Variants in TMCO6 observed in about 807,000 individuals in gnomAD.
TMCO6 encodes transmembrane and coiled-coil domains 6, also known as transmembrane and coiled-coil domain-containing protein 6.
A neutral mutation model predicts 61.8 loss-of-function variants in TMCO6; 47 were observed. The ratio of observed to expected loss-of-function variants is 0.76; its 90% confidence interval spans 0.60 to 0.97. The LOEUF is 0.97. Ranked by LOEUF, TMCO6 falls within the 50% of genes least tolerant of loss-of-function variation. The pLI, the probability that TMCO6 is intolerant of heterozygous loss-of-function variation, is 0.00. For synonymous variants in TMCO6, 261 were observed against 254.2 expected (o/e 1.03, Z -0.25); for missense variants, 557 against 601.6 (o/e 0.93, Z 0.78).
the TMCO6 span, among the ~76,000 whole-genome samples, chr5:140,621,057 A>AC: frequency 6.6e-6 from 1 of 152,088 alleles, no homozygotes; most frequent in African/African-American, 2.4e-5. Context: ...AAATAGAATC[A>AC]CCATATGATC....
chr5:140,601,149 G>T, the TMCO6 span, among the ~76,000 whole-genome samples: 1 of 152,044 alleles, frequency 6.6e-6, no homozygotes, highest in Non-Finnish European at 1.5e-5. Flanking sequence ...ATACACTTTT[G>T]TTCTAATTGT....
the TMCO6 span, among the ~76,000 whole-genome samples, chr5:140,606,650 G>A: frequency 2.0e-5 from 3 of 152,260 alleles, no homozygotes; most frequent in African/African-American, 7.2e-5. Context: ...TGCCCAGCTG[G>A]GTGTGGTGGC....
At chr5:140,634,367 A>G in the TMCO6 span, among the ~76,000 whole-genome samples, 1 of 152,174 alleles carries the variant, frequency 6.6e-6, no homozygotes, top group Non-Finnish European at 1.5e-5. Context: ...AAAAAACAGC[A>G]AACAAAACAA....
the TMCO6 span, among the ~76,000 whole-genome samples, chr5:140,600,605 CA>C: frequency 1.3e-5 from 2 of 151,680 alleles, no homozygotes; most frequent in African/African-American, 4.8e-5. Flanking sequence ...AGCAGGGTTA[CA>C]GGCACCCGCC....
the TMCO6 span, among the ~76,000 whole-genome samples, chr5:140,603,315 A>AT: frequency 2.6e-5 from 4 of 151,528 alleles, no homozygotes; most frequent in African/African-American, 9.7e-5. Context: ...ATTTTATTTT[A>AT]TTTTATTTTT....
the TMCO6 span, among the ~76,000 whole-genome samples, chr5:140,607,681 CCTT>C: frequency 6.6e-5 from 10 of 152,010 alleles, no homozygotes; most frequent in Admixed American, 5.2e-4. Flanking sequence ...TATGAGGGTT[CCTT>C]CTTCTCCACC....
chr5:140,625,932 A>G, the TMCO6 span, among the ~76,000 whole-genome samples: 4 of 152,280 alleles, frequency 2.6e-5, no homozygotes, highest in South Asian at 2.1e-4. Flanking sequence ...CTCTGTCTCA[A>G]GTTCTAAGTT....
At chr5:140,598,250 A>T in the TMCO6 span, among the ~76,000 whole-genome samples, 1 of 150,846 alleles carries the variant, frequency 6.6e-6, no homozygotes. Context: ...TTTGTTGCCC[A>T]GGCTGGAGTG....
At chr5:140,630,087 T>C in the TMCO6 span, among the ~76,000 whole-genome samples, 1 of 151,744 alleles carries the variant, frequency 6.6e-6, no homozygotes, top group African/African-American at 2.4e-5. Flanking sequence ...CCTCCCAGGT[T>C]CTAGTGAGCA....
chr5:140,602,121 C>A, the TMCO6 span, among the ~76,000 whole-genome samples: 1 of 152,326 alleles, frequency 6.6e-6, no homozygotes, highest in East Asian at 1.9e-4. Flanking sequence ...AGGTCTCCAA[C>A]TTTTCTAGTA....
At chr5:140,616,192 A>G in the TMCO6 span, among the ~76,000 whole-genome samples, 160 of 137,918 alleles carry the variant, frequency 1.2e-3, no homozygotes, top group Non-Finnish European at 2.0e-3. Flanking sequence ...AGATTTAGCA[A>G]TAATTTCTTG....
chr5:140,599,406 A>G, the TMCO6 span, among the ~76,000 whole-genome samples: 1 of 152,232 alleles, frequency 6.6e-6, no homozygotes, highest in Non-Finnish European at 1.5e-5. Flanking sequence ...CAGCCTGACC[A>G]TATGATCACG....
At chr5:140,612,628 C>G in the TMCO6 span, among the ~76,000 whole-genome samples, 1 of 151,980 alleles carries the variant, frequency 6.6e-6, no homozygotes, top group South Asian at 2.1e-4. Flanking sequence ...CGTGAGCCAC[C>G]GCTCCAGGCC....
downstream of TMCO6, chr5:140,647,463 C>A: frequency 6.2e-7 from 1 of 1,611,104 alleles, no homozygotes; most frequent in Non-Finnish European, 8.5e-7. Context: ...GCCCGCCCGC[C>A]TCACCACGCC....
the TMCO6 span, among the ~76,000 whole-genome samples, chr5:140,600,854 C>T: frequency 6.6e-5 from 10 of 152,258 alleles, no homozygotes; most frequent in African/African-American, 1.4e-4. Flanking sequence ...CTACATTCAA[C>T]GAAAAGAGAT....
the TMCO6 span, among the ~76,000 whole-genome samples, chr5:140,599,066 A>G: frequency 6.6e-6 from 1 of 152,144 alleles, no homozygotes; most frequent in African/African-American, 2.4e-5. Context: ...CCAACGGGGG[A>G]ATGTGCCCCA....
At chr5:140,639,685 G>A (rs1581456796) in intron 1 of TMCO6, 54 bp from the exon 2 acceptor site, 2 of 1,549,172 alleles carry the variant, frequency 1.3e-6, no homozygotes, top group Non-Finnish European at 1.7e-6. Context: ...TCGGAGCCGC[G>A]GGTTCTGGGT....
At chr5:140,639,180 G>C (rs1246961621), upstream of TMCO6, 4 of 241,004 alleles carry the variant, frequency 1.7e-5, no homozygotes, top group Non-Finnish European at 2.5e-5. Flanking sequence ...TTGTGGGTGG[G>C]GAAGTTGTGT....
the TMCO6 span, among the ~76,000 whole-genome samples, chr5:140,630,921 C>T: frequency 1.3e-5 from 2 of 152,196 alleles, no homozygotes; most frequent in African/African-American, 2.4e-5. Context: ...ATGTGGCTGC[C>T]TCCTCATTGA....
Sources: gnomAD v4.1 joint callset for allele counts (sites outside exome capture counted in the v4.1 genomes callset) on GRCh38, gnomAD v4.1.1 for gene constraint, MANE v1.5 for transcripts, NCBI Gene and HGNC (gene_info 2026-07-23, HGNC 2026-07-21) for gene names.